Variants in LRMDA observed in about 807,000 individuals in gnomAD.
LRMDA encodes the protein leucine-rich melanocyte differentiation-associated protein.
LRMDA carries 18 observed loss-of-function variants against 29.8 expected under a neutral mutation model. That is an observed-to-expected ratio of 0.60 (90% confidence interval 0.42 to 0.90). The LOEUF is 0.90. Ranked by LOEUF, LRMDA falls within the 40% of genes least tolerant of loss-of-function variation. The pLI is 0.00. For missense variants in LRMDA, 273 were observed against 273.9 expected, an observed-to-expected ratio of 1.00 and a Z score of 0.02; for synonymous variants, 125 against 109.4, an observed-to-expected ratio of 1.14 and a Z score of -0.89.
At chr10:76,291,851 G>A (rs1162085530) in intron 5 of LRMDA, among the ~76,000 whole-genome samples, 1 of 151,682 alleles carries the variant, frequency 6.6e-6, no homozygotes, top group Non-Finnish European at 1.5e-5. Flanking sequence ...TGAGAATTTA[G>A]TGTATATTTT....
intron 2 of LRMDA, among the ~76,000 whole-genome samples, chr10:75,485,831 G>C (rs1316146519): frequency 2.0e-5 from 3 of 152,166 alleles, no homozygotes; most frequent in African/African-American, 7.2e-5. Flanking sequence ...GCCTGCCTTG[G>C]CATCCCAAAG....
intron 2 of LRMDA, among the ~76,000 whole-genome samples, chr10:75,938,254 G>A (rs1210042461): frequency 6.6e-6 from 1 of 152,214 alleles, no homozygotes; most frequent in Non-Finnish European, 1.5e-5. Context: ...GAGCCATTTA[G>A]TAACAGGAGC....
At chr10:75,663,887 C>T (rs530845138) in intron 2 of LRMDA, among the ~76,000 whole-genome samples, 3 of 152,226 alleles carry the variant, frequency 2.0e-5, no homozygotes, top group Admixed American at 6.5e-5. Context: ...GGGAGCCCCA[C>T]GTCAAACAAA....
rs1203097262 is a variant in LRMDA at position 75,624,760 on chromosome 10, C to T, written c.131+186266C>T. On this transcript the variant is annotated intron_variant, in intron 2 of 6. Transcript: ENST00000611255. Reference sequence around the variant, plus strand: ...TTAAAGCAGTGGGCACATTTTTCATCACTTTCCTCTGATAAATTTTCACTT... The same window carrying T: ...TTAAAGCAGTGGGCACATTTTTCATTACTTTCCTCTGATAAATTTTCACTT... 2.0e-5 allele frequency among the ~76,000 whole-genome samples: 3 copies of T among 152,202 alleles called. No homozygotes were observed. The East Asian group carries it at 5.8e-4, about 29-fold the overall frequency.
At chr10:76,410,711 T>C (rs1176106718) in intron 6 of LRMDA, among the ~76,000 whole-genome samples, 1 of 151,944 alleles carries the variant, frequency 6.6e-6, no homozygotes, top group African/African-American at 2.4e-5. Context: ...CCCAGCACTT[T>C]GGGAGGCCAA....
chr10:75,597,878 A>C (rs541852039), intron 2 of LRMDA, among the ~76,000 whole-genome samples: 1 of 152,236 alleles, frequency 6.6e-6, no homozygotes, highest in Admixed American at 6.5e-5. Context: ...TGAAATTTGT[A>C]CAAATCAGTT....
chr10:76,361,175 T>A (rs567318402), intron 6 of LRMDA, among the ~76,000 whole-genome samples: 1 of 151,904 alleles, frequency 6.6e-6, no homozygotes, highest in East Asian at 1.9e-4. Context: ...GCAGGAGAGC[T>A]GCTTGAGCCT....
intron 2 of LRMDA, among the ~76,000 whole-genome samples, chr10:75,713,971 A>C (rs895146287): frequency 6.6e-6 from 1 of 152,126 alleles, no homozygotes; most frequent in African/African-American, 2.4e-5. Flanking sequence ...ACATGTCCAC[A>C]CACCTGGTTT....
chr10:76,140,328 C>T (rs1380914016), intron 5 of LRMDA, among the ~76,000 whole-genome samples: 1 of 152,072 alleles, frequency 6.6e-6, no homozygotes, highest in African/African-American at 2.4e-5. Flanking sequence ...GAGAAGGTGC[C>T]AGCTGAAATC....
intron 2 of LRMDA, among the ~76,000 whole-genome samples, chr10:75,482,767 T>G (rs1381470143): frequency 1.3e-5 from 2 of 152,328 alleles, no homozygotes; most frequent in Middle Eastern, 3.4e-3. Context: ...TTCACTGACC[T>G]GAAACAAATA....
chr10:76,105,109 TG>T (rs1849459372), intron 5 of LRMDA, among the ~76,000 whole-genome samples: 1 of 152,186 alleles, frequency 6.6e-6, no homozygotes, highest in Admixed American at 6.5e-5. Context: ...AATATCACCT[TG>T]GCAGCCAAGG....
At chr10:75,497,574 C>A (rs894446340) in intron 2 of LRMDA, among the ~76,000 whole-genome samples, 1 of 148,058 alleles carries the variant, frequency 6.8e-6, no homozygotes, top group African/African-American at 2.5e-5. Context: ...TGATTTCAAC[C>A]TAGAAAGTTG....
chr10:76,068,014 C>G (rs537900544), intron 5 of LRMDA, among the ~76,000 whole-genome samples: 1 of 152,342 alleles, frequency 6.6e-6, no homozygotes, highest in South Asian at 2.1e-4. Flanking sequence ...CAGAGGCCAA[C>G]CACACAGATG....
chr10:75,814,203 A>G (rs1306667410), intron 2 of LRMDA, among the ~76,000 whole-genome samples: 2 of 152,202 alleles, frequency 1.3e-5, no homozygotes, highest in African/African-American at 2.4e-5. Flanking sequence ...GCAGTGGCTC[A>G]CCAAAGCAGG....
intron 2 of LRMDA, among the ~76,000 whole-genome samples, chr10:75,504,140 C>T (rs916570800): frequency 3.1e-4 from 47 of 151,970 alleles, no homozygotes; most frequent in African/African-American, 1.1e-3. Context: ...CCTCAACCTC[C>T]TGAGTAGTGC....
At chr10:76,027,610 A>G (rs2132497941) in intron 2 of LRMDA, among the ~76,000 whole-genome samples, 1 of 152,348 alleles carries the variant, frequency 6.6e-6, no homozygotes, top group Non-Finnish European at 1.5e-5. Flanking sequence ...AAGATTGTAT[A>G]TTAACAGCAG....
At position 76,368,436 on chromosome 10, in the gene LRMDA, C is replaced by T. The variant is rs1012526727; in HGVS notation, c.601+43951C>T. On this transcript the variant is annotated intron_variant, in intron 6 of 6. Transcript: ENST00000611255. ...GAAGATTCCTTTTGGATTTGATTTC[C>T]AGTTTTATTCCACTGTGGTCTGAGA... Among the ~76,000 whole-genome samples, 5 of 152,134 alleles carry T rather than the reference C, an allele frequency of 3.3e-5. No individual in the cohort carries two copies. The East Asian group carries it at 5.8e-4, about 18-fold the overall frequency.
chr10:76,464,391 C>T (rs114354308), intron 6 of LRMDA, among the ~76,000 whole-genome samples: 278 of 152,210 alleles, frequency 1.8e-3, no homozygotes, highest in African/African-American at 6.4e-3. Context: ...CTAGAATGGC[C>T]TGGTACCCAG....
intron 2 of LRMDA, among the ~76,000 whole-genome samples, chr10:75,561,953 A>G (rs1486014269): frequency 3.3e-5 from 5 of 152,038 alleles, no homozygotes; most frequent in Non-Finnish European, 4.4e-5. Flanking sequence ...ACTTCCAACT[A>G]TGTGTTCAAT....
Sources: gnomAD v4.1 joint callset for allele counts (sites outside exome capture counted in the v4.1 genomes callset) on GRCh38, gnomAD v4.1.1 for gene constraint, MANE v1.5 for transcripts, NCBI Gene and HGNC (gene_info 2026-07-23, HGNC 2026-07-21) for gene names.